The following DLG3 variants were observed in gnomAD, a reference collection of about 807,000 sequenced individuals.
The protein encoded by DLG3 is discs large MAGUK scaffold protein 3.
In DLG3, 1 loss-of-function variant was observed where a neutral mutation model predicts 64.1. The observed-to-expected ratio is 0.02, with a 90% CI of 0.01 to 0.07. DLG3 has a LOEUF of 0.07. Among genes scored for constraint, DLG3 ranks in the 10% least tolerant of loss-of-function variants. The pLI, the probability that DLG3 is intolerant of heterozygous loss-of-function variation, is 1.00. For missense variants in DLG3, 429 were observed against 669.5 expected, an observed-to-expected ratio of 0.64 and a Z score of 3.96; for synonymous variants, 245 against 259.8, an observed-to-expected ratio of 0.94 and a Z score of 0.55.
intron 10 of DLG3, among the ~76,000 whole-genome samples, chrX:70,482,662 GTTTTT>G (rs774419870): frequency 6.1e-5 from 4 of 66,076 alleles, no homozygotes; most frequent in African/African-American, 1.2e-4. Context: ...CATGTGTGGT[GTTTTT>G]TTTTTTTTTT....
Position 70,450,200 on chromosome X carries a change from C to T in DLG3, c.735C>T (p.Gly245=). The T allele has an allele frequency of 8.3e-7, 1 of 1,210,606 alleles. No homozygotes were observed. Among genetic ancestry groups the T allele is most frequent in the Non-Finnish European group, 1.1e-6 (1 of 894,904 alleles). Residue 245 remains glycine (G), a synonymous_variant, in exon 5 of 19, where the codon GGC becomes GGT. Coordinates refer to ENST00000374360, the MANE Select transcript of DLG3 (RefSeq NM_021120.4). ...GTTTCAGCATTGCTGGGGGTATTGGCAACCAGCACATCCCAGGAGACAACA... is the reference window on the plus strand; with the variant it reads ...GTTTCAGCATTGCTGGGGGTATTGGTAACCAGCACATCCCAGGAGACAACA... ...GLGFSIAGGI[G]NQHIPGDNSI... is the part of the protein sequence containing the mutation.
chrX:70,498,549 G>A lies in DLG3; in HGVS notation c.1849G>A (p.Glu617Lys). The A allele has an allele frequency of 8.3e-7, 1 of 1,209,317 alleles. No individual in the cohort carries two copies. ...KGQEDAILSY[E>K]PVTRQEIHYA... Reference sequence around the variant, plus strand: ...ACAAGAGGATGCTATTTTGTCATATGAGCCAGTGACACGGCAAGAAAGTAA... The same window carrying A: ...ACAAGAGGATGCTATTTTGTCATATAAGCCAGTGACACGGCAAGAAAGTAA... Residue 617 changes from glutamate to lysine, a missense_variant, in exon 14 of 19, where the codon GAG becomes AAG. Transcript: ENST00000374360.
At chrX:70,461,499 CG>C (rs11306635) in intron 9 of DLG3, among the ~76,000 whole-genome samples, 28,520 of 109,705 alleles carry the variant, frequency 0.26, 3,232 homozygotes, top group African/African-American at 0.41. Context: ...TTTGTGTGCT[CG>C]GGGGGTTTAA....
In DLG3 at chrX:70,445,069, GC is replaced by G; in HGVS notation, c.-125del. ...GCTCAGCCCGGGCGCCCCCACGGGT[GC>G]CCCCCCCTTCTTGGTCCGAGCAGTG... On this transcript the variant is annotated 5_prime_UTR_variant, in exon 1 of 19. Transcript: ENST00000374360. 12 of 467,154 alleles carry G rather than the reference GC, an allele frequency of 2.6e-5. No individual in the cohort carries two copies. The highest frequency in any genetic ancestry group is 3.5e-5 in the Non-Finnish European group (11 of 312,793). 38.5% of individuals were successfully genotyped at this position (467,154 alleles called of 1,213,427 possible). A position where few individuals can be genotyped will look rare whatever the true frequency, so the allele number is the denominator to read the frequency against.
intron 10 of DLG3, among the ~76,000 whole-genome samples, chrX:70,489,861 T>C (rs1172312124): frequency 9.0e-6 from 1 of 111,053 alleles, no homozygotes; most frequent in Non-Finnish European, 1.9e-5. Context: ...TTTTATTTTA[T>C]TTATTTATTA....
rs145638536 is a variant in DLG3, at chrX:70,456,950, C to G, written c.1405+2634C>G. ...GTGGGTATTTACAAAATGAATAATC[C>G]AAATACATGTATGTTGGTTGGCAAG... On this transcript the variant is annotated intron_variant, in intron 9 of 18. Transcript: ENST00000374360. 3.4e-3 allele frequency among the ~76,000 whole-genome samples: 375 copies of G among 111,742 alleles called. 7 individuals are homozygous for G. The East Asian group carries it at 0.066, about 20-fold the overall frequency.
intron 9 of DLG3, among the ~76,000 whole-genome samples, chrX:70,472,615 A>G (rs2086989481): frequency 8.9e-6 from 1 of 111,877 alleles, no homozygotes; most frequent in Admixed American, 9.5e-5. Context: ...ATGTTTGAGC[A>G]GAGGCTGAAG....
At chrX:70,455,243 T>A (rs1159683149) in intron 9 of DLG3, 1 of 753,306 alleles carries the variant, frequency 1.3e-6, no homozygotes, top group Non-Finnish European at 1.6e-6. Context: ...GCACTAGATC[T>A]GGACTCCGAC....
At chrX:70,495,546 T>TGAGGG in intron 13 of DLG3, 93 bp downstream of exon 13, 1 of 866,228 alleles carries the variant, frequency 1.2e-6, no homozygotes, top group Non-Finnish European at 1.7e-6. Flanking sequence ...GGGTGAAGGG[T>TGAGGG]GAGGGGAGGG....
At chrX:70,500,353 G>A (rs56168725) in intron 16 of DLG3, 118 bp from the exon 17 acceptor site, 26 of 611,501 alleles carry the variant, frequency 4.3e-5, no homozygotes, top group South Asian at 2.6e-4. Flanking sequence ...GGTGGCCCTC[G>A]TGCCCCTCCC....
intron 12 of DLG3, chrX:70,493,505 C>A (rs368972995): frequency 9.0e-7 from 1 of 1,111,550 alleles, no homozygotes; most frequent in African/African-American, 1.8e-5. Context: ...AGAGAGCAGG[C>A]CATCTGCAGC....
At chrX:70,452,742 G>A (rs776283839) in intron 7 of DLG3, 2 of 1,189,629 alleles carry the variant, frequency 1.7e-6, no homozygotes, top group South Asian at 1.9e-5. Context: ...CCTGCGGCCC[G>A]GAGGGGATGC....
At chrX:70,477,464 C>T (rs1044425390) in intron 9 of DLG3, among the ~76,000 whole-genome samples, 4 of 111,894 alleles carry the variant, frequency 3.6e-5, no homozygotes, top group African/African-American at 9.7e-5. Flanking sequence ...AGCACCCAGG[C>T]GGTCTCCAGA....
At chrX:70,494,130 A>G (rs1569293673) in intron 12 of DLG3, among the ~76,000 whole-genome samples, 1 of 112,633 alleles carries the variant, frequency 8.9e-6, no homozygotes, top group Non-Finnish European at 1.9e-5. Flanking sequence ...TGTTCAAATA[A>G]AGATCTATTG....
rs1252024027 is a variant in DLG3 at position 70,449,685 on chromosome X, C to G, written c.534-5C>G. On this transcript the variant is annotated splice_region_variant and splice_polypyrimidine_tract_variant and intron_variant, in intron 3 of 18. Coordinates refer to ENST00000374360, the MANE Select transcript of DLG3 (RefSeq NM_021120.4). The stretch of plus-strand genomic sequence containing the variant: ...AGTGTCATGCCTCTCGGGCTTCCCC[C>G]ACAGGGTGAATGACTGTGTGCTGCG... The G allele has an allele frequency of 9.9e-6, 12 of 1,208,377 alleles. No individual in the cohort carries two copies. The highest frequency in any genetic ancestry group is 1.3e-5 in the Non-Finnish European group (12 of 894,876).
chrX:70,468,192 C>G (rs954633947), intron 9 of DLG3, among the ~76,000 whole-genome samples: 2 of 111,520 alleles, frequency 1.8e-5, no homozygotes, highest in Admixed American at 1.9e-4. Context: ...GCTTCAGCCT[C>G]CTGAGTAGCT....
rs1445666374 is a variant in DLG3 at position 70,500,508 on chromosome X, T to C, written c.2183T>C (p.Ile728Thr). The change falls in exon 17 of 19, where the codon ATC becomes ACC. Residue 728 changes from isoleucine (I) to threonine (T), a missense_variant. Physicochemically the swap from Ile to Thr is moderately conservative, Grantham distance 89 (BLOSUM62 -1). Transcript: ENST00000374360. ...HCILDVSGNA[I>T]KRLQQAQLYP... ...ATCTTAGATGTTTCCGGCAATGCTA[T>C]CAAGAGACTGCAGCAAGCACAACTT... 8.3e-7 allele frequency: 1 copy of C among 1,208,959 alleles called. No individual in the cohort carries two copies. Among genetic ancestry groups the C allele is most frequent in the Non-Finnish European group, 1.1e-6 (1 of 894,856 alleles).
chrX:70,499,153 G>C (rs757396597), intron 14 of DLG3, 23 bp from the exon 15 acceptor site: 1 of 1,149,885 alleles, frequency 8.7e-7, no homozygotes, highest in South Asian at 1.8e-5. Context: ...TCTGTTCACT[G>C]TCTCGATGCT....
At chrX:70,451,323 G>A (rs2086616273) in intron 6 of DLG3, among the ~76,000 whole-genome samples, 2 of 110,923 alleles carry the variant, frequency 1.8e-5, no homozygotes, top group South Asian at 3.9e-4. Context: ...GGATGGTCTC[G>A]ATCTCCTGAC....
Sources: allele counts gnomAD v4.1 joint callset (sites outside exome capture counted in the v4.1 genomes callset), GRCh38; gene constraint gnomAD v4.1.1; transcripts MANE v1.5; gene names NCBI Gene and HGNC (gene_info 2026-07-23, HGNC 2026-07-21).